The following IQANK1 variants were observed in gnomAD, a reference collection of about 807,000 sequenced individuals.
The protein encoded by IQANK1 is IQ motif and ankyrin repeat domain-containing protein 1.
IQANK1 carries 30 observed loss-of-function variants against 22.6 expected under a neutral mutation model. The ratio of observed to expected loss-of-function variants is 1.33; its 90% confidence interval spans 0.99 to 1.80. IQANK1 has a LOEUF of 1.80. Among genes scored for constraint, IQANK1 ranks in the 40% most tolerant of loss-of-function variants. The pLI, the probability that IQANK1 is intolerant of heterozygous loss-of-function variation, is 0.00. For missense variants in IQANK1, 275 were observed against 235.2 expected, an observed-to-expected ratio of 1.17 and a Z score of -1.11; for synonymous variants, 122 against 99.6, an observed-to-expected ratio of 1.23 and a Z score of -1.34.
intron 3 of IQANK1, among the ~76,000 whole-genome samples, chr8:143,756,090 CACA>C (rs1554628446): frequency 6.6e-6 from 1 of 152,206 alleles, no homozygotes; most frequent in Non-Finnish European, 1.5e-5. Context: ...TGCAAAGGTG[CACA>C]ACATCTTCAC....
At chr8:143,749,582 A>ATATATATATATATT (rs1223131772) in intron 3 of IQANK1, among the ~76,000 whole-genome samples, 1 of 129,432 alleles carries the variant, frequency 7.7e-6, no homozygotes, top group African/African-American at 3.0e-5. Context: ...ATATATATAT[A>ATATATATATATATT]TTTTATTTAT....
chr8:143,766,647 C>T (rs546213677), intron 3 of IQANK1, among the ~76,000 whole-genome samples: 10 of 151,486 alleles, frequency 6.6e-5, no homozygotes, highest in African/African-American at 1.9e-4. Context: ...CTCCAGCCTA[C>T]GTGACGGTGC....
At chr8:143,780,797 G>T (rs1819783432) in intron 7 of IQANK1, among the ~76,000 whole-genome samples, 1 of 152,184 alleles carries the variant, frequency 6.6e-6, no homozygotes, top group African/African-American at 2.4e-5. Flanking sequence ...ATGCGTGCAT[G>T]TGTCTTTATG....
rs533693125 is a variant in IQANK1 at position 143,765,209 on chromosome 8, T to G, written c.176-6279T>G. 4.6e-4 allele frequency among the ~76,000 whole-genome samples: 70 copies of G among 152,012 alleles called. 1 individual carries two copies. In the South Asian group the frequency reaches 0.014, roughly 31 times the overall value. ...CGTCTCTACCAAAAAATACAGAAGT[T>G]AGCCAGGCATGGTGGCGCACGCCTG... On this transcript the variant is annotated intron_variant, in intron 3 of 13. Coordinates refer to ENST00000527139, the MANE Select transcript of IQANK1 (RefSeq NM_001381874.1).
At chr8:143,761,358 C>T (rs1307968484) in intron 3 of IQANK1, among the ~76,000 whole-genome samples, 2 of 152,248 alleles carry the variant, frequency 1.3e-5, no homozygotes, top group Non-Finnish European at 2.9e-5. Flanking sequence ...CGCGATGCCT[C>T]CGACTCAGAC....
At position 143,783,769 on chromosome 8, in the gene IQANK1, T is replaced by G. The variant is rs117953297; in HGVS notation, c.790-5146T>G. 1.8e-4 allele frequency among the ~76,000 whole-genome samples: 27 copies of G among 152,348 alleles called. No individual in the cohort carries two copies. The East Asian group carries it at 3.9e-3, about 22-fold the overall frequency. ...TGGTCCTCCTTGTGCAAGGTCATGT[T>G]CAAGCTTGTTTATTTCTCATATGGA... On this transcript the variant is annotated intron_variant, in intron 7 of 13. Transcript: ENST00000527139.
At position 143,788,905 on chromosome 8, in the gene IQANK1, C is replaced by G. The variant is rs1819949753; in HGVS notation, c.790-10C>G. The G allele has an allele frequency of 1.5e-5, 6 of 399,122 alleles. No individual in the cohort carries two copies. The highest frequency in any genetic ancestry group is 2.7e-5 in the Non-Finnish European group (6 of 226,122). The allele number at this position is 399,122 out of a possible 1,614,324, so 24.7% of individuals were successfully genotyped here. ...GCACTGAGGGCCCGACAAATGTCGT[C>G]TGTCACTAGGTGGCCTCACTGGACA... On this transcript the variant is annotated splice_polypyrimidine_tract_variant and intron_variant, in intron 7 of 13. Coordinates refer to ENST00000527139, the MANE Select transcript of IQANK1 (RefSeq NM_001381874.1).
At chr8:143,772,503 GGCCCCGGGAGGTGTGA>G (rs1366013240) in intron 7 of IQANK1, 21 bp downstream of exon 7, 10 of 399,288 alleles carry the variant, frequency 2.5e-5, no homozygotes, top group African/African-American at 8.2e-5. Context: ...CAGAGGTGTG[GGCCCCGGGAGGTGTGA>G]GCCCCGGGAG....
At chr8:143,784,530 G>T (rs575842219) in intron 7 of IQANK1, among the ~76,000 whole-genome samples, 4 of 152,274 alleles carry the variant, frequency 2.6e-5, no homozygotes. Flanking sequence ...TGTGAGAATG[G>T]ACTAATACAG....
At chr8:143,778,680 G>A (rs1419912114) in intron 7 of IQANK1, among the ~76,000 whole-genome samples, 3 of 152,224 alleles carry the variant, frequency 2.0e-5, no homozygotes, top group Non-Finnish European at 4.4e-5. Flanking sequence ...ATCAGTCATC[G>A]TTTCCATACA....
rs1018043803 is a variant in IQANK1 at position 143,789,920 on chromosome 8, C to T, written c.1195+51C>T. 73 of 1,231,728 alleles carry T rather than the reference C, an allele frequency of 5.9e-5. No homozygotes were observed. The East Asian group carries it at 6.3e-4, about 11-fold the overall frequency. The allele number at this position is 1,231,728 out of a possible 1,614,324, so 76.3% of individuals were successfully genotyped here. On this transcript the variant is annotated intron_variant, in intron 11 of 13. Coordinates refer to ENST00000527139, the MANE Select transcript of IQANK1 (RefSeq NM_001381874.1). ...GGGGGCTGGGACATACAGCCCAGGG[C>T]GGGGTCCGGCGTCGGGCTTGCCTGT...
At position 143,784,781 on chromosome 8, in the gene IQANK1, A is replaced by G. The variant is rs532912842; in HGVS notation, c.790-4134A>G. 8.5e-5 allele frequency among the ~76,000 whole-genome samples: 13 copies of G among 152,320 alleles called. No individual in the cohort carries two copies. The South Asian group carries it at 2.7e-3, about 32-fold the overall frequency. ...TACTTATAGCTCATTGGTCAGATCT[A>G]GTCATTTGGCTCCACCAAAACCACA... On this transcript the variant is annotated intron_variant, in intron 7 of 13. Coordinates refer to ENST00000527139, the MANE Select transcript of IQANK1 (RefSeq NM_001381874.1).
At chr8:143,767,588 A>G (rs1160122947) in intron 3 of IQANK1, among the ~76,000 whole-genome samples, 1 of 152,062 alleles carries the variant, frequency 6.6e-6, no homozygotes, top group Non-Finnish European at 1.5e-5. Flanking sequence ...CTAGCATAAA[A>G]CCATTAACTA....
At chr8:143,782,235 G>C (rs1587493390) in intron 7 of IQANK1, among the ~76,000 whole-genome samples, 1 of 152,126 alleles carries the variant, frequency 6.6e-6, no homozygotes, top group Non-Finnish European at 1.5e-5. Flanking sequence ...GGGTTTTCTG[G>C]ATATAGAATC....
At chr8:143,787,472 G>A (rs1417531482) in intron 7 of IQANK1, among the ~76,000 whole-genome samples, 3 of 151,868 alleles carry the variant, frequency 2.0e-5, no homozygotes, top group Non-Finnish European at 4.4e-5. Context: ...GCTTAAGTCA[G>A]CACCGACTCA....
chr8:143,767,755 T>C (rs1477034409), intron 3 of IQANK1, among the ~76,000 whole-genome samples: 1 of 151,648 alleles, frequency 6.6e-6, no homozygotes, highest in Non-Finnish European at 1.5e-5. Flanking sequence ...TGTGGTGGTG[T>C]ATACCTGTGG....
At chr8:143,772,539 T>TCGGGAGGTGTGGGCCC in intron 7 of IQANK1, 57 bp downstream of exon 7, 1 of 397,974 alleles carries the variant, frequency 2.5e-6, no homozygotes, top group African/African-American at 2.1e-5. Flanking sequence ...GGTGTGGGCC[T>TCGGGAGGTGTGGGCCC]CGGGAGGTGT....
chr8:143,790,199 A>G lies in IQANK1; in HGVS notation c.1352A>G (p.Asn451Ser). ...AATFLRYQDT[N>S]YVDTVNPEPL... The stretch of plus-strand genomic sequence containing the variant: ...ACCTTCCTGCGCTACCAGGATACCA[A>G]CTATGTGGACACGGTGAACCCGGAG... Residue 451 changes from asparagine (N) to serine (S), a missense_variant, in exon 13 of 14, where the codon AAC (asparagine) becomes AGC (serine). Coordinates refer to ENST00000527139, the MANE Select transcript of IQANK1 (RefSeq NM_001381874.1). The G allele has an allele frequency of 8.1e-7, 1 of 1,232,074 alleles. No individual in the cohort carries two copies. Among genetic ancestry groups the G allele is most frequent in the Non-Finnish European group, 1.0e-6 (1 of 987,998 alleles). The allele number at this position is 1,232,074 out of a possible 1,614,324, so 76.3% of individuals were successfully genotyped here. A position where few individuals can be genotyped will look rare whatever the true frequency, so the allele number is the denominator to read the frequency against.
Position 143,739,918 on chromosome 8 carries a change from G to A in IQANK1, c.145G>A (p.Ala49Thr). 2.9e-6 allele frequency: 2 copies of A among 699,742 alleles called. No individual in the cohort carries two copies. The highest frequency in any genetic ancestry group is 5.2e-6 in the Non-Finnish European group (2 of 383,690). 43.3% of individuals were successfully genotyped at this position (699,742 alleles called of 1,614,324 possible). The change falls in exon 3 of 14, where the codon GCG (alanine) becomes ACG (threonine). Residue 49 changes from alanine to threonine, a missense_variant. Transcript: ENST00000527139. ...RKAGWQAREP[A>T]SAESPQAPTG... ...AGCGGGCTGGCAGGCGAGGGAGCCC[G>A]CGTCGGCTGAGAGCCCACAGGCCCC... is the stretch of plus-strand genomic sequence containing the variant.
Sources: allele counts gnomAD v4.1 joint callset (sites outside exome capture counted in the v4.1 genomes callset), GRCh38; gene constraint gnomAD v4.1.1; transcripts MANE v1.5; gene names NCBI Gene and HGNC (gene_info 2026-07-23, HGNC 2026-07-21).